TMCC1: variants seen among roughly 807,000 people sequenced by gnomAD.
The protein encoded by TMCC1 is transmembrane and coiled-coil domain family 1.
A neutral mutation model predicts 52.4 loss-of-function variants in TMCC1; 15 were observed. That is an observed-to-expected ratio of 0.29 (90% confidence interval 0.19 to 0.44). The LOEUF is 0.44. Among genes scored for constraint, TMCC1 ranks in the 20% least tolerant of loss-of-function variants. The pLI is 1.00. For missense variants in TMCC1, 503 were observed against 806.0 expected, an observed-to-expected ratio of 0.62 and a Z score of 4.55; for synonymous variants, 279 against 301.9, an observed-to-expected ratio of 0.92 and a Z score of 0.79.
chr3:129,739,152 T>A (rs1324715190), intron 4 of TMCC1, among the ~76,000 whole-genome samples: 5 of 152,074 alleles, frequency 3.3e-5, no homozygotes. Flanking sequence ...TTTTTAAAGA[T>A]TAAAAGATAT....
intron 4 of TMCC1, among the ~76,000 whole-genome samples, chr3:129,723,454 A>G (rs1359526247): frequency 1.5e-5 from 2 of 130,064 alleles, no homozygotes; most frequent in Admixed American, 9.7e-5. Context: ...TCAAATTCCT[A>G]TTTGTTATGC....
intron 4 of TMCC1, among the ~76,000 whole-genome samples, chr3:129,692,360 C>T (rs1351532474): frequency 6.6e-6 from 1 of 152,144 alleles, no homozygotes; most frequent in African/African-American, 2.4e-5. Context: ...TTAAAAATCA[C>T]AGACTAATGT....
In TMCC1 at chr3:129,670,371, G is replaced by A. The variant is rs565949741; in HGVS notation, c.1470C>T (p.Asp490=). Residue 490 remains aspartate (D), a synonymous_variant, in exon 5 of 7, where the codon GAC becomes GAT. Coordinates refer to ENST00000393238, the MANE Select transcript of TMCC1 (RefSeq NM_001017395.5). ...GTAAGGTCTGCATTATTAAGGAATA[G>A]TCCCTCTGATAATGTTCCTTGAGAG... is the stretch of plus-strand genomic sequence containing the variant. ...FETLKEHYQR[D]YSLIMQTLQE... The A allele has an allele frequency of 1.2e-6, 2 of 1,614,198 alleles. No homozygotes were observed. The highest frequency in any genetic ancestry group is 1.3e-5 in the African/African-American group (1 of 75,062).
chr3:129,672,875 T>C (rs911853684), intron 4 of TMCC1, among the ~76,000 whole-genome samples: 4 of 152,178 alleles, frequency 2.6e-5, no homozygotes, highest in African/African-American at 9.6e-5. Context: ...ACATCTTCTT[T>C]TTTTCATCTG....
chr3:129,799,573 G>A (rs2057054142), intron 4 of TMCC1, among the ~76,000 whole-genome samples: 1 of 152,158 alleles, frequency 6.6e-6, no homozygotes, highest in Non-Finnish European at 1.5e-5. Flanking sequence ...CGCTTTGGGA[G>A]GCCGAGGCGG....
chr3:129,701,814 T>C (rs1169418783), intron 4 of TMCC1, among the ~76,000 whole-genome samples: 1 of 152,144 alleles, frequency 6.6e-6, no homozygotes, highest in East Asian at 1.9e-4. Flanking sequence ...GTTTTGAAAT[T>C]GCAAAACATC....
chr3:129,890,093 A>C (rs981494130), intron 1 of TMCC1, among the ~76,000 whole-genome samples: 4 of 152,180 alleles, frequency 2.6e-5, no homozygotes, highest in Admixed American at 6.5e-5. Context: ...TTGCCTAGGC[A>C]ACATATGAGA....
chr3:129,746,321 C>T (rs1290774036), intron 4 of TMCC1, among the ~76,000 whole-genome samples: 3 of 148,368 alleles, frequency 2.0e-5, no homozygotes, highest in Non-Finnish European at 4.5e-5. Context: ...CAGGCGTGCG[C>T]CACCACGCCC....
Position 129,724,335 on chromosome 3 carries a change from T to G in TMCC1, c.577-53071A>C, listed in dbSNP as rs367616228. On this transcript the variant is annotated intron_variant, in intron 4 of 6. Transcript: ENST00000393238. ...GTTTAATGGTAGAAAAGAACTTTTC[T>G]CCTTGACCCTATTTTGTGTCTGGAG... is the stretch of plus-strand genomic sequence containing the variant. 2.6e-5 allele frequency among the ~76,000 whole-genome samples: 4 copies of G among 152,210 alleles called. No homozygotes were observed. In the East Asian group the frequency reaches 5.8e-4, roughly 22 times the overall value.
intron 2 of TMCC1, among the ~76,000 whole-genome samples, chr3:129,877,961 TTTTA>T (rs1235462847): frequency 7.0e-6 from 1 of 143,140 alleles, no homozygotes; most frequent in Non-Finnish European, 1.5e-5. Context: ...TTATTTTTAT[TTTTA>T]TTTTTTTTTT....
intron 4 of TMCC1, among the ~76,000 whole-genome samples, chr3:129,754,654 G>A (rs912337484): frequency 1.3e-5 from 2 of 152,190 alleles, no homozygotes; most frequent in African/African-American, 4.8e-5. Flanking sequence ...AAATTTGTAT[G>A]TCAATATGTA....
intron 4 of TMCC1, among the ~76,000 whole-genome samples, chr3:129,672,242 G>T (rs1327044687): frequency 1.3e-5 from 2 of 152,192 alleles, no homozygotes; most frequent in Non-Finnish European, 2.9e-5. Flanking sequence ...TCCTTCAGTA[G>T]GTCATCCCTG....
intron 4 of TMCC1, among the ~76,000 whole-genome samples, chr3:129,683,070 G>A (rs1287886027): frequency 1.3e-5 from 2 of 152,166 alleles, no homozygotes; most frequent in African/African-American, 4.8e-5. Flanking sequence ...CTGGACCTCA[G>A]GTGATCCGCC....
intron 2 of TMCC1, among the ~76,000 whole-genome samples, chr3:129,846,895 G>C (rs760432868): frequency 1.4e-5 from 2 of 139,132 alleles, no homozygotes; most frequent in Non-Finnish European, 3.1e-5. Context: ...AAAAAAAAAA[G>C]GGCAGGAGGA....
At chr3:129,837,913 A>G (rs1436501411) in intron 2 of TMCC1, among the ~76,000 whole-genome samples, 1 of 152,246 alleles carries the variant, frequency 6.6e-6, no homozygotes, top group Non-Finnish European at 1.5e-5. Context: ...AAACAGCTGA[A>G]AAAAGAATCA....
intron 4 of TMCC1, 113 bp downstream of exon 4, chr3:129,827,690 C>A: frequency 1.5e-6 from 2 of 1,297,468 alleles, no homozygotes; most frequent in Non-Finnish European, 1.0e-6. Flanking sequence ...ATTCTTTTAC[C>A]ACAACTTTAA....
intron 5 of TMCC1, among the ~76,000 whole-genome samples, chr3:129,665,594 T>C (rs1379489072): frequency 6.6e-6 from 1 of 152,180 alleles, no homozygotes; most frequent in Non-Finnish European, 1.5e-5. Flanking sequence ...TTAGTAAACA[T>C]TTACTTCAAC....
At chr3:129,794,584 C>T (rs1036039770) in intron 4 of TMCC1, among the ~76,000 whole-genome samples, 3 of 152,104 alleles carry the variant, frequency 2.0e-5, no homozygotes, top group African/African-American at 7.2e-5. Context: ...ATCCTGAAGC[C>T]GCTGTGCCCA....
chr3:129,814,117 A>T (rs1284310427), intron 4 of TMCC1, among the ~76,000 whole-genome samples: 1 of 152,108 alleles, frequency 6.6e-6, no homozygotes, highest in Non-Finnish European at 1.5e-5. Flanking sequence ...CTTGACAATC[A>T]GAAACCATGA....
Sources: gnomAD v4.1 joint callset for allele counts (sites outside exome capture counted in the v4.1 genomes callset) on GRCh38, gnomAD v4.1.1 for gene constraint, MANE v1.5 for transcripts, NCBI Gene and HGNC (gene_info 2026-07-23, HGNC 2026-07-21) for gene names.